The following ULK4 variants were observed in gnomAD, a reference collection of about 807,000 sequenced individuals.
The protein encoded by ULK4 is inactive serine/threonine-protein kinase ULK4.
In ULK4, 133 loss-of-function variants were observed where a neutral mutation model predicts 160.6. The observed-to-expected ratio is 0.83, with a 90% CI of 0.72 to 0.96. The LOEUF (loss-of-function observed/expected upper bound fraction) is 0.96. Ranked by LOEUF, ULK4 falls within the 40% of genes least tolerant of loss-of-function variation. ULK4 has a pLI of 0.00. For missense variants in ULK4, 1,580 were observed against 1,499.5 expected (o/e 1.05, Z -0.89); for synonymous variants, 534 against 539.8 (o/e 0.99, Z 0.15).
intron 17 of ULK4, among the ~76,000 whole-genome samples, chr3:41,865,769 A>C (rs1267162035): frequency 1.3e-5 from 2 of 152,068 alleles, no homozygotes; most frequent in African/African-American, 4.8e-5. Context: ...TTCATACCTA[A>C]CTCCCTATAC....
At chr3:41,911,708 A>G (rs543662060) in intron 9 of ULK4, 49 bp from the exon 10 acceptor site, 3 of 1,388,674 alleles carry the variant, frequency 2.2e-6, no homozygotes, top group East Asian at 2.3e-5. Flanking sequence ...GGAGTTCTCT[A>G]TAGTTTTATG....
chr3:41,623,500 T>C (rs538162254), intron 30 of ULK4, among the ~76,000 whole-genome samples: 3 of 151,786 alleles, frequency 2.0e-5, no homozygotes, highest in South Asian at 2.1e-4. Context: ...TAGAAAAAAA[T>C]GCAGCATATG....
chr3:41,684,239 T>TTAAG (rs1488847743), intron 27 of ULK4, among the ~76,000 whole-genome samples: 1 of 152,070 alleles, frequency 6.6e-6, no homozygotes, highest in Non-Finnish European at 1.5e-5. Context: ...GAGCAAAAGG[T>TTAAG]TAAGGATTTC....
At chr3:41,533,159 G>A (rs751494454) in intron 32 of ULK4, among the ~76,000 whole-genome samples, 5 of 151,442 alleles carry the variant, frequency 3.3e-5, no homozygotes, top group Non-Finnish European at 7.4e-5. Flanking sequence ...CTGACACTGT[G>A]GAGCCCAGAT....
chr3:41,376,956 A>C (rs200101819), intron 35 of ULK4, among the ~76,000 whole-genome samples: 1 of 150,154 alleles, frequency 6.7e-6, no homozygotes, highest in East Asian at 2.1e-4. Context: ...GAGGCATCAC[A>C]CTACCTGACT....
chr3:41,283,293 C>T (rs2079394845), intron 35 of ULK4, among the ~76,000 whole-genome samples: 1 of 152,228 alleles, frequency 6.6e-6, no homozygotes, highest in Non-Finnish European at 1.5e-5. Context: ...GATCCCATTA[C>T]TGGGTATATA....
At chr3:41,345,201 T>A (rs1019123381) in intron 35 of ULK4, among the ~76,000 whole-genome samples, 1 of 152,238 alleles carries the variant, frequency 6.6e-6, no homozygotes, top group Non-Finnish European at 1.5e-5. Flanking sequence ...TCAACCATTG[T>A]GGATGACAGC....
intron 31 of ULK4, among the ~76,000 whole-genome samples, chr3:41,567,384 CAT>C (rs915422603): frequency 1.3e-5 from 2 of 150,304 alleles, no homozygotes; most frequent in Non-Finnish European, 2.9e-5. Context: ...AGTGGGACTG[CAT>C]ATGATTTGAA....
At chr3:41,961,525 AC>A (rs1700666743) in intron 1 of ULK4, among the ~76,000 whole-genome samples, 1 of 138,362 alleles carries the variant, frequency 7.2e-6, no homozygotes, top group Non-Finnish European at 1.5e-5. Flanking sequence ...ATTATCACAG[AC>A]TCAGGGGCGC....
intron 20 of ULK4, among the ~76,000 whole-genome samples, chr3:41,790,192 A>G (rs142509182): frequency 1.7e-4 from 26 of 152,364 alleles, no homozygotes; most frequent in Admixed American, 1.6e-3. Context: ...GTAAAAGTGA[A>G]TATCTAACAT....
At chr3:41,350,481 TA>T (rs1053760041) in intron 35 of ULK4, among the ~76,000 whole-genome samples, 2 of 152,100 alleles carry the variant, frequency 1.3e-5, no homozygotes, top group Non-Finnish European at 2.9e-5. Context: ...TAATGCTGCT[TA>T]AAAAAAACTA....
At chr3:41,794,712 T>C (rs1199094482) in intron 20 of ULK4, among the ~76,000 whole-genome samples, 4 of 125,888 alleles carry the variant, frequency 3.2e-5, no homozygotes, top group African/African-American at 1.2e-4. Context: ...CACAAACCTG[T>C]GTATAAATAC....
At chr3:41,496,272 T>G (rs1438554696) in intron 32 of ULK4, among the ~76,000 whole-genome samples, 1 of 152,152 alleles carries the variant, frequency 6.6e-6, no homozygotes, top group Non-Finnish European at 1.5e-5. Context: ...AAGACTGCGA[T>G]ATACAACGAT....
At chr3:41,269,674 A>C (rs996954602) in intron 35 of ULK4, among the ~76,000 whole-genome samples, 1 of 152,234 alleles carries the variant, frequency 6.6e-6, no homozygotes, top group Non-Finnish European at 1.5e-5. Context: ...ATTATTATAT[A>C]GATTATCTAC....
chr3:41,856,568 TATATATGTGTATATATATAC>T (rs1559611158), intron 17 of ULK4, among the ~76,000 whole-genome samples: 16 of 85,002 alleles, frequency 1.9e-4, no homozygotes, highest in African/African-American at 1.1e-3. Flanking sequence ...TATACACATA[TATATATGTGTATATATATAC>T]ACATATATAT....
chr3:41,613,092 T>A (rs1486062169), intron 31 of ULK4, among the ~76,000 whole-genome samples: 1 of 152,198 alleles, frequency 6.6e-6, no homozygotes, highest in Non-Finnish European at 1.5e-5. Flanking sequence ...ATCTTCTCAT[T>A]ATGCCTTGTT....
chr3:41,552,227 T>A (rs1277345698), intron 32 of ULK4, among the ~76,000 whole-genome samples: 2 of 151,944 alleles, frequency 1.3e-5, no homozygotes, highest in Non-Finnish European at 2.9e-5. Context: ...CTTTCACCAC[T>A]CCTATACAAC....
At chr3:41,731,643 T>A (rs2037826478) in intron 22 of ULK4, among the ~76,000 whole-genome samples, 1 of 147,466 alleles carries the variant, frequency 6.8e-6, no homozygotes, top group African/African-American at 2.5e-5. Context: ...AATTTTTTTT[T>A]AAAAACCCCA....
rs565093392 is a variant in ULK4 at position 41,512,233 on chromosome 3, C to CCA, written c.3227-48982_3227-48981dup. Among the ~76,000 whole-genome samples, 3 of 152,242 alleles carry CCA rather than the reference C, an allele frequency of 2.0e-5. No individual in the cohort carries two copies. In the South Asian group the frequency reaches 6.2e-4, roughly 32 times the overall value. ...GAGAACTGGAACAAGACAAGGATCC[C>CCA]CACTTTCATCACTTCTATTCAACAT... is the stretch of plus-strand genomic sequence containing the variant. On this transcript the variant is annotated intron_variant, in intron 32 of 36. Transcript: ENST00000301831.
Sources: gnomAD v4.1 joint callset for allele counts (sites outside exome capture counted in the v4.1 genomes callset) on GRCh38, gnomAD v4.1.1 for gene constraint, MANE v1.5 for transcripts, NCBI Gene and HGNC (gene_info 2026-07-23, HGNC 2026-07-21) for gene names.